The following STRADB variants were observed in gnomAD, a reference collection of about 807,000 sequenced individuals.
The protein encoded by STRADB is STE20 related adaptor beta.
Under a neutral mutation model 52.1 loss-of-function variants are expected in STRADB, and 34 were observed. The observed-to-expected ratio is 0.65, with a 90% CI of 0.50 to 0.87. The LOEUF is 0.87. STRADB is among the 40% of genes least tolerant of loss of function. The probability of loss-of-function intolerance (pLI) is 0.00; values close to 1 mark genes in which losing one functional copy is unlikely to be tolerated. For synonymous variants in STRADB, 133 were observed against 174.5 expected (o/e 0.76, Z 1.87); for missense variants, 340 against 483.9 (o/e 0.70, Z 2.79).
intron 3 of STRADB, among the ~76,000 whole-genome samples, chr2:201,468,085 C>CTTTTCTTTTTTTTTT (rs1559465545): frequency 1.4e-5 from 1 of 71,030 alleles, no homozygotes; most frequent in Admixed American, 1.6e-4. Flanking sequence ...TTTTTTTTTT[C>CTTTTCTTTTTTTTTT]TTTTTTTTTT....
chr2:201,474,392 C>A (rs1952439788), intron 5 of STRADB, among the ~76,000 whole-genome samples: 1 of 151,978 alleles, frequency 6.6e-6, no homozygotes, highest in Non-Finnish European at 1.5e-5. Flanking sequence ...TCACATTCTA[C>A]TTCCACTTCT....
chr2:201,477,956 T>A, intron 8 of STRADB, 131 bp from the exon 9 acceptor site: 1 of 1,153,026 alleles, frequency 8.7e-7, no homozygotes, highest in Non-Finnish European at 1.2e-6. Context: ...ATATATGAAG[T>A]GTGTCTTGAT....
intron 5 of STRADB, among the ~76,000 whole-genome samples, chr2:201,473,983 C>T (rs985688492): frequency 9.2e-5 from 14 of 151,460 alleles, no homozygotes; most frequent in South Asian, 2.1e-4. Flanking sequence ...CTCCGCCTCC[C>T]GGGTTCACGC....
chr2:201,473,817 A>G (rs1952428099), intron 5 of STRADB, among the ~76,000 whole-genome samples: 1 of 151,864 alleles, frequency 6.6e-6, no homozygotes, highest in Non-Finnish European at 1.5e-5. Flanking sequence ...ATCTTATAAT[A>G]CCATTTTTAT....
intron 11 of STRADB, 80 bp from the exon 12 acceptor site, chr2:201,479,952 C>A (rs757652801): frequency 6.0e-5 from 92 of 1,521,558 alleles, no homozygotes; most frequent in Non-Finnish European, 8.3e-5. Context: ...AACATAAATT[C>A]TTTAAAAGTT....
In STRADB at chr2:201,466,906, T is replaced by C. The variant is rs182649573; in HGVS notation, c.94-3047T>C. Among the ~76,000 whole-genome samples the C allele has an allele frequency of 3.9e-5, 6 of 152,210 alleles. No homozygotes were observed. In the East Asian group the frequency reaches 1.2e-3, roughly 29 times the overall value. On this transcript the variant is annotated intron_variant, in intron 3 of 11. Coordinates refer to ENST00000194530, the MANE Select transcript of STRADB (RefSeq NM_018571.6). ...TAGAAAAATAGTCATCATAGAAAAA[T>C]AGAAACATACAGAAAGGTATGTTTC...
intron 2 of STRADB, among the ~76,000 whole-genome samples, chr2:201,458,283 T>G (rs16837591): frequency 0.025 from 3,770 of 152,308 alleles, 158 homozygotes; most frequent in African/African-American, 0.086. Flanking sequence ...TTTAATTTGC[T>G]TTGAGTTATA....
chr2:201,472,567 A>C (rs1952406657), intron 4 of STRADB, among the ~76,000 whole-genome samples: 1 of 152,214 alleles, frequency 6.6e-6, no homozygotes, highest in Non-Finnish European at 1.5e-5. Context: ...GGTGGTTGCC[A>C]GGGACTGGGA....
chr2:201,468,698 C>T (rs1467671561), intron 3 of STRADB, among the ~76,000 whole-genome samples: 3 of 152,158 alleles, frequency 2.0e-5, no homozygotes, highest in Non-Finnish European at 4.4e-5. Flanking sequence ...AACATTATGC[C>T]GTTTTTTTCC....
intron 7 of STRADB, among the ~76,000 whole-genome samples, chr2:201,477,199 G>A (rs1307939968): frequency 2.0e-5 from 3 of 150,338 alleles, no homozygotes; most frequent in African/African-American, 7.3e-5. Context: ...CAAGTAGCTG[G>A]GACTACAGGC....
At chr2:201,468,081 T>A (rs1444264479) in intron 3 of STRADB, among the ~76,000 whole-genome samples, 1 of 76,628 alleles carries the variant, frequency 1.3e-5, no homozygotes, top group Non-Finnish European at 3.0e-5. Flanking sequence ...TGCCTTTTTT[T>A]TTTCTTTTTT....
At chr2:201,472,257 T>C (rs965860164) in intron 4 of STRADB, among the ~76,000 whole-genome samples, 1 of 152,204 alleles carries the variant, frequency 6.6e-6, no homozygotes, top group East Asian at 1.9e-4. Context: ...CTCGCAGATA[T>C]TTGCCAAAGA....
chr2:201,464,691 C>G (rs1418800671), intron 3 of STRADB, among the ~76,000 whole-genome samples: 1 of 152,130 alleles, frequency 6.6e-6, no homozygotes, highest in African/African-American at 2.4e-5. Context: ...AGCTCCCCAC[C>G]TGGCCCTGGG....
At chr2:201,455,160 T>G (rs1411203005) in intron 2 of STRADB, among the ~76,000 whole-genome samples, 1 of 152,198 alleles carries the variant, frequency 6.6e-6, no homozygotes, top group Non-Finnish European at 1.5e-5. Context: ...ATCTTTTAAA[T>G]CTTTCAGAAA....
rs367866662 is a variant in STRADB at position 201,478,177 on chromosome 2, A to G, written c.811A>G (p.Met271Val). ...CAGTGGGCAGGTGCCTTTCCAGGACATGCATAGAACTCAGGTAAGTGCTGC... is the reference window on the plus strand; with the variant it reads ...CAGTGGGCAGGTGCCTTTCCAGGACGTGCATAGAACTCAGGTAAGTGCTGC... The part of the protein sequence containing the change: ...LASGQVPFQD[M>V]HRTQMLLQKL... Residue 271 changes from methionine to valine, a missense_variant, in exon 9 of 12, where the codon ATG (methionine) becomes GTG (valine). By Grantham distance (21) the Met-to-Val change is conservative. Coordinates refer to ENST00000194530, the MANE Select transcript of STRADB (RefSeq NM_018571.6). 6.2e-6 allele frequency: 10 copies of G among 1,613,234 alleles called. No homozygotes were observed. The highest frequency in any genetic ancestry group is 3.3e-4 in the Middle Eastern group (2 of 6,084).
At chr2:201,455,360 T>G (rs1250974430) in intron 2 of STRADB, among the ~76,000 whole-genome samples, 1 of 152,198 alleles carries the variant, frequency 6.6e-6, no homozygotes, top group Non-Finnish European at 1.5e-5. Context: ...TTCATCCTGT[T>G]TTATACATAA....
rs1295288221 is a variant in STRADB at position 201,451,856 on chromosome 2, C to G, written c.-178C>G. On this transcript the variant is annotated 5_prime_UTR_variant, in exon 1 of 12. Transcript: ENST00000194530. ...CGGGCCTAGAGCGCTCGCCTCGCCCCTCCGCGAGCAGGGCTCTGGCGCCCG... is the reference window on the plus strand; with the variant it reads ...CGGGCCTAGAGCGCTCGCCTCGCCCGTCCGCGAGCAGGGCTCTGGCGCCCG... The G allele has an allele frequency of 6.6e-6, 1 of 152,268 alleles. No individual in the cohort carries two copies. The highest frequency in any genetic ancestry group is 1.5e-5 in the Non-Finnish European group (1 of 68,192). 9.4% of individuals were successfully genotyped at this position (152,268 alleles called of 1,614,324 possible).
At chr2:201,476,086 A>C (rs991330625) in intron 7 of STRADB, among the ~76,000 whole-genome samples, 1 of 152,150 alleles carries the variant, frequency 6.6e-6, no homozygotes, top group African/African-American at 2.4e-5. Context: ...GTTTTTGTTT[A>C]AGCAAATGAA....
At position 201,478,175 on chromosome 2, in the gene STRADB, A is replaced by T. The variant is rs1289082106; in HGVS notation, c.809A>T (p.Asp270Val). 1 of 1,613,370 alleles carries T rather than the reference A, an allele frequency of 6.2e-7. No homozygotes were observed. Among genetic ancestry groups the T allele is most frequent in the Admixed American group, 1.7e-5 (1 of 59,878 alleles). The change falls in exon 9 of 12, where the codon GAC becomes GTC. Residue 270 changes from aspartate to valine, a missense_variant. Coordinates refer to ENST00000194530, the MANE Select transcript of STRADB (RefSeq NM_018571.6). ...GCCAGTGGGCAGGTGCCTTTCCAGG[A>T]CATGCATAGAACTCAGGTAAGTGCT... is the stretch of plus-strand genomic sequence containing the variant. ...ELASGQVPFQ[D>V]MHRTQMLLQK...
Sources: gnomAD v4.1 joint callset for allele counts (sites outside exome capture counted in the v4.1 genomes callset) on GRCh38, gnomAD v4.1.1 for gene constraint, MANE v1.5 for transcripts, NCBI Gene and HGNC (gene_info 2026-07-23, HGNC 2026-07-21) for gene names.